PTPN11: variants seen among roughly 807,000 people sequenced by gnomAD.
The protein encoded by PTPN11 is protein tyrosine phosphatase non-receptor type 11.
PTPN11 carries 6 observed loss-of-function variants against 78.8 expected under a neutral mutation model. That is an observed-to-expected ratio of 0.08 (90% confidence interval 0.04 to 0.15). The LOEUF (loss-of-function observed/expected upper bound fraction) is 0.15, where lower values mean the gene tolerates loss of function less well. Ranked by LOEUF, PTPN11 falls within the 10% of genes least tolerant of loss-of-function variation. The pLI is 1.00. For synonymous variants in PTPN11, 221 were observed against 263.5 expected, an observed-to-expected ratio of 0.84 and a Z score of 1.56; for missense variants, 386 against 744.8, an observed-to-expected ratio of 0.52 and a Z score of 5.61.
chr12:112,468,286 G>A (rs137894611), intron 6 of PTPN11, among the ~76,000 whole-genome samples: 1 of 152,182 alleles, frequency 6.6e-6, no homozygotes, highest in Non-Finnish European at 1.5e-5. Flanking sequence ...GAGGGAGGTT[G>A]TGGAAGATAA....
chr12:112,449,332 C>T (rs564906029), intron 2 of PTPN11, among the ~76,000 whole-genome samples: 166 of 151,546 alleles, frequency 1.1e-3, no homozygotes, highest in Non-Finnish European at 1.9e-3. Flanking sequence ...GGTGAAACCC[C>T]GTCTCTACTA....
At chr12:112,440,966 T>C (rs1309271460) in intron 1 of PTPN11, among the ~76,000 whole-genome samples, 1 of 135,410 alleles carries the variant, frequency 7.4e-6, no homozygotes, top group Non-Finnish European at 1.6e-5. Context: ...TTTTCTTTTC[T>C]TTTTTTTTTT....
intron 1 of PTPN11, among the ~76,000 whole-genome samples, chr12:112,424,163 G>T (rs1269076300): frequency 6.6e-6 from 1 of 152,194 alleles, no homozygotes; most frequent in East Asian, 1.9e-4. Context: ...GGATAACTCT[G>T]TGCCAGGTAC....
At chr12:112,459,036 A>AG (rs58235019) in intron 6 of PTPN11, among the ~76,000 whole-genome samples, 109,038 of 151,552 alleles carry the variant, frequency 0.72, 41,543 homozygotes, top group East Asian at 1. Flanking sequence ...CTGTCCCAAA[A>AG]AAAAAAAAAA....
chr12:112,505,321 C>T (rs1592864526), intron 15 of PTPN11, among the ~76,000 whole-genome samples: 1 of 152,114 alleles, frequency 6.6e-6, no homozygotes, highest in Non-Finnish European at 1.5e-5. Context: ...GCCTCCCCAT[C>T]AATTACGTTT....
chr12:112,470,533 G>C (rs2038399069), intron 6 of PTPN11, among the ~76,000 whole-genome samples: 1 of 152,204 alleles, frequency 6.6e-6, no homozygotes, highest in Non-Finnish European at 1.5e-5. Flanking sequence ...GCGTCATCCT[G>C]AACAGCTTGG....
At chr12:112,436,280 A>G (rs1566159143) in intron 1 of PTPN11, among the ~76,000 whole-genome samples, 1 of 152,228 alleles carries the variant, frequency 6.6e-6, no homozygotes, top group Non-Finnish European at 1.5e-5. Flanking sequence ...TGTATTCATT[A>G]AGGTAACAAC....
chr12:112,477,604 C>G (rs2038525028), intron 7 of PTPN11, 47 bp from the exon 8 acceptor site: 1 of 1,465,762 alleles, frequency 6.8e-7, no homozygotes, highest in Non-Finnish European at 9.5e-7. Flanking sequence ...CTGTTTTTTC[C>G]TGAAGCAGTC....
In PTPN11 at chr12:112,454,336, T is replaced by A. The variant is rs1002540203; in HGVS notation, c.526-228T>A. Among the ~76,000 whole-genome samples the A allele has an allele frequency of 7.9e-5, 12 of 152,270 alleles. No homozygotes were observed. In the South Asian group the frequency reaches 1.2e-3, roughly 16 times the overall value. ...GGTTTTACCATGTTGGCCAGGCTGG[T>A]CTCGAACTCCTGACCTCAAATGATC... is the stretch of plus-strand genomic sequence containing the variant. On this transcript the variant is annotated intron_variant, in intron 4 of 15. Coordinates refer to ENST00000351677, the MANE Select transcript of PTPN11 (RefSeq NM_002834.5).
At chr12:112,445,245 T>A (rs1177411707) in intron 1 of PTPN11, among the ~76,000 whole-genome samples, 1 of 151,518 alleles carries the variant, frequency 6.6e-6, no homozygotes, top group African/African-American at 2.4e-5. Context: ...AATTCTCCTG[T>A]CTCAGCCTCC....
chr12:112,477,811 A>G (rs1037230204), intron 8 of PTPN11, 46 bp from the exon 9 acceptor site: 2 of 1,611,900 alleles, frequency 1.2e-6, no homozygotes, highest in Admixed American at 1.7e-5. Flanking sequence ...TCATGTCCTG[A>G]AAGTAACTTT....
chr12:112,431,751 C>T lies in PTPN11; in HGVS notation c.14+12626C>T, dbSNP rs115273032. ...ATTTCTAGTTCCAAATGTGAAACTCCAAGGGCGTTCTGTGCTAAACATTTT... is the reference window on the plus strand; with the variant it reads ...ATTTCTAGTTCCAAATGTGAAACTCTAAGGGCGTTCTGTGCTAAACATTTT... On this transcript the variant is annotated intron_variant, in intron 1 of 15. Transcript: ENST00000351677. 5.9e-3 allele frequency among the ~76,000 whole-genome samples: 894 copies of T among 152,192 alleles called. 11 individuals are homozygous for T. Among genetic ancestry groups the T allele is most frequent in the African/African-American group, 0.02 (842 of 41,526 alleles).
chr12:112,440,737 C>G (rs2037875212), intron 1 of PTPN11, among the ~76,000 whole-genome samples: 2 of 151,196 alleles, frequency 1.3e-5, no homozygotes, highest in Middle Eastern at 6.8e-3. Context: ...CCATGCCTGG[C>G]TAATTTTTGT....
intron 6 of PTPN11, among the ~76,000 whole-genome samples, chr12:112,470,912 T>C (rs1333158451): frequency 6.6e-6 from 1 of 152,224 alleles, no homozygotes; most frequent in Non-Finnish European, 1.5e-5. Flanking sequence ...CAGTATTGCT[T>C]GGTAAGACTG....
chr12:112,505,681 A>AC (rs2038926483), intron 15 of PTPN11, 144 bp from the exon 16 acceptor site: 1 of 151,682 alleles, frequency 6.6e-6, no homozygotes, highest in Non-Finnish European at 1.5e-5. Context: ...AAAAAAAAAA[A>AC]CTCAGTGTCA....
intron 4 of PTPN11, among the ~76,000 whole-genome samples, chr12:112,454,139 C>CT (rs1452311604): frequency 1.3e-5 from 2 of 151,414 alleles, no homozygotes; most frequent in Admixed American, 1.3e-4. Flanking sequence ...TATTATTTAT[C>CT]TTTTTTTTGA....
At chr12:112,458,686 A>G (rs1248695969) in intron 6 of PTPN11, among the ~76,000 whole-genome samples, 3 of 152,174 alleles carry the variant, frequency 2.0e-5, no homozygotes, top group Admixed American at 6.6e-5. Flanking sequence ...TACTGCCTTT[A>G]AAGGGAGCTT....
Position 112,504,278 on chromosome 12 carries a change from C to T in PTPN11, c.1713-417C>T, listed in dbSNP as rs1445581462. 1.3e-5 allele frequency among the ~76,000 whole-genome samples: 2 copies of T among 152,206 alleles called. No homozygotes were observed. Among genetic ancestry groups the T allele is most frequent in the Non-Finnish European group, 2.9e-5 (2 of 68,044 alleles). The stretch of plus-strand genomic sequence containing the variant: ...TGGCACGATCTCTGCTCACTGCAAC[C>T]TCCATCTCCCGAGTTCAAGAGATTC... On this transcript the variant is annotated intron_variant, in intron 14 of 15. Coordinates refer to ENST00000351677, the MANE Select transcript of PTPN11 (RefSeq NM_002834.5). This position sits in a 1 kb window ranked among gnomAD's most constrained non-coding sequence, Gnocchi z 4.7.
chr12:112,475,745 A>G (rs754473757), intron 7 of PTPN11, among the ~76,000 whole-genome samples: 4 of 152,230 alleles, frequency 2.6e-5, no homozygotes, highest in African/African-American at 9.6e-5. Context: ...GTGTCTATGC[A>G]TGAAACATAG....
Sources: gnomAD v4.1 joint callset for allele counts (sites outside exome capture counted in the v4.1 genomes callset) on GRCh38, gnomAD v4.1.1 for gene constraint, Gnocchi (gnomAD v3.1) non-coding constraint, MANE v1.5 for transcripts, NCBI Gene and HGNC (gene_info 2026-07-23, HGNC 2026-07-21) for gene names.